The following FGF13 variants were observed in gnomAD, a reference collection of about 807,000 sequenced individuals.
FGF13 encodes fibroblast growth factor homologous factor 2.
A neutral mutation model predicts 19.5 loss-of-function variants in FGF13; 2 were observed. The ratio of observed to expected loss-of-function variants is 0.10; its 90% CI spans 0.04 to 0.32. FGF13 has a LOEUF of 0.32. FGF13 is among the 10% of genes least tolerant of loss of function. FGF13 has a pLI of 1.00. For missense variants in FGF13, 113 were observed against 192.7 expected, an observed-to-expected ratio of 0.59 and a Z score of 2.45; for synonymous variants, 72 against 76.9, an observed-to-expected ratio of 0.94 and a Z score of 0.33.
At chrX:138,995,150 G>A (rs1190130991) in intron 1 of FGF13, among the ~76,000 whole-genome samples, 1 of 111,202 alleles carries the variant, frequency 9.0e-6, no homozygotes, top group African/African-American at 3.3e-5. Context: ...CATGGAGAGA[G>A]AATCTGTGCA....
At chrX:138,711,866 C>T (rs1350518502), upstream of FGF13, among the ~76,000 whole-genome samples, 2 of 92,758 alleles carry the variant, frequency 2.2e-5, no homozygotes, top group African/African-American at 8.1e-5. Context: ...CCTGTAGGGG[C>T]TTCCGCACTG....
intron 1 of FGF13, among the ~76,000 whole-genome samples, chrX:139,116,710 C>T (rs1474696858): frequency 9.0e-6 from 1 of 110,900 alleles, no homozygotes; most frequent in Non-Finnish European, 1.9e-5. Flanking sequence ...CCATTTAGCA[C>T]TGTGTCATGT....
chrX:139,189,007 G>C (rs993316371), intron 1 of FGF13, among the ~76,000 whole-genome samples: 1 of 110,063 alleles, frequency 9.1e-6, no homozygotes, highest in African/African-American at 3.3e-5. Context: ...AAATGGTAAA[G>C]GGCAAAAATG....
chrX:139,126,451 ATC>A (rs2083717219), intron 1 of FGF13, among the ~76,000 whole-genome samples: 1 of 111,379 alleles, frequency 9.0e-6, no homozygotes, highest in African/African-American at 3.3e-5. Context: ...GGCTGGAAAT[ATC>A]TGTCTGAAAC....
chrX:138,928,472 T>C (rs2124254357), intron 1 of FGF13, among the ~76,000 whole-genome samples: 1 of 110,730 alleles, frequency 9.0e-6, no homozygotes. Context: ...TCTTTTCCAT[T>C]TCGGCCTTTG....
At chrX:138,899,871 G>A (rs775432896) in intron 1 of FGF13, among the ~76,000 whole-genome samples, 1 of 111,834 alleles carries the variant, frequency 8.9e-6, no homozygotes, top group South Asian at 3.8e-4. Context: ...CAACTAGCTA[G>A]TCCACCTCCC....
intron 3 of FGF13, among the ~76,000 whole-genome samples, chrX:138,672,206 T>C (rs1469172670): frequency 1.8e-5 from 2 of 111,165 alleles, no homozygotes; most frequent in Admixed American, 9.6e-5. Context: ...GAAGAATCCA[T>C]TGGAGAAATC....
At chrX:138,725,185 T>C (rs766376385) in intron 1 of FGF13, among the ~76,000 whole-genome samples, 2 of 111,762 alleles carry the variant, frequency 1.8e-5, no homozygotes, top group South Asian at 3.8e-4. Context: ...ACAGAGTTTC[T>C]ACTTAATTCG....
chrX:138,830,730 T>TGTGTGTGTGTGTG (rs1569406299), intron 3 of FGF13, among the ~76,000 whole-genome samples: 16 of 99,059 alleles, frequency 1.6e-4, no homozygotes, highest in Middle Eastern at 5.3e-3. Flanking sequence ...TGTGTGTGTG[T>TGTGTGTGTGTGTG]TTTAAGCTAT....
At position 138,631,771 on chromosome X, in the gene FGF13, A is replaced by G. The variant is rs2089118841; in HGVS notation, c.*1079T>C. On this transcript the variant is annotated 3_prime_UTR_variant, in exon 5 of 5. Transcript: ENST00000315930. ...CATGCAACTCTATGCCAAGAACCCA[A>G]CTTTCTTCCATGCAACAGATATGAA... 1 of 112,075 alleles carries G rather than the reference A, an allele frequency of 8.9e-6. No homozygotes were observed. The highest frequency in any genetic ancestry group is 3.2e-5 in the African/African-American group (1 of 30,787). The allele number at this position is 112,075 out of a possible 1,213,427, so 9.2% of individuals were successfully genotyped here.
intron 1 of FGF13, among the ~76,000 whole-genome samples, chrX:138,910,405 A>G (rs2091581362): frequency 9.0e-6 from 1 of 111,190 alleles, no homozygotes; most frequent in Admixed American, 9.6e-5. Context: ...CCAAGCAGAT[A>G]GGGCAAAACC....
At chrX:138,732,622 CT>C (rs1217330582) in intron 1 of FGF13, among the ~76,000 whole-genome samples, 1 of 111,057 alleles carries the variant, frequency 9.0e-6, no homozygotes, top group African/African-American at 3.3e-5. Context: ...CATGTGGAAC[CT>C]TTTTGGGGTG....
chrX:138,972,056 T>TTTGTGTGTGTG (rs1556316125), intron 1 of FGF13, among the ~76,000 whole-genome samples: 2 of 94,965 alleles, frequency 2.1e-5, no homozygotes, highest in Admixed American at 1.2e-4. Flanking sequence ...TAGTATTCTA[T>TTTGTGTGTGTG]TGTGTGTGTG....
intron 1 of FGF13, among the ~76,000 whole-genome samples, chrX:138,971,964 G>A (rs1316523722): frequency 2.7e-5 from 3 of 110,431 alleles, no homozygotes; most frequent in Admixed American, 9.7e-5. Flanking sequence ...GCCCTTCTGC[G>A]CCTGGCTTAT....
intron 1 of FGF13, among the ~76,000 whole-genome samples, chrX:138,952,064 T>A (rs969515809): frequency 1.8e-5 from 2 of 111,366 alleles, no homozygotes; most frequent in African/African-American, 6.5e-5. Flanking sequence ...CTTCACAGAA[T>A]TGGAAAAAAC....
At position 138,979,049 on chromosome X, in the gene FGF13, T is replaced by TA. The variant is rs775655176; in HGVS notation, c.-112-114400dup. Among the ~76,000 whole-genome samples the TA allele has an allele frequency of 1.1e-3, 128 of 112,395 alleles. 1 individual carries two copies. Among genetic ancestry groups the TA allele is most frequent in the Middle Eastern group, 4.6e-3 (1 of 218 alleles). On this transcript the variant is annotated intron_variant, in intron 1 of 2. Transcript: ENST00000421460. ...ATGAAGACTTGTTAAGTAGTCACCT[T>TA]ACCTGCTTCAACTGCAAGTAATGTA...
chrX:139,119,761 T>C (rs914570680), intron 1 of FGF13, among the ~76,000 whole-genome samples: 1 of 112,612 alleles, frequency 8.9e-6, no homozygotes, highest in Non-Finnish European at 1.9e-5. Flanking sequence ...AGTCCTTCCA[T>C]AAAGCAGGCA....
At chrX:139,115,189 T>C (rs1391597859) in intron 1 of FGF13, among the ~76,000 whole-genome samples, 1 of 111,613 alleles carries the variant, frequency 9.0e-6, no homozygotes, top group Non-Finnish European at 1.9e-5. Flanking sequence ...CCCATCTCAG[T>C]AAATGTTACC....
chrX:138,966,289 G>C (rs1197264910), intron 1 of FGF13, among the ~76,000 whole-genome samples: 5 of 112,218 alleles, frequency 4.5e-5, no homozygotes, highest in Admixed American at 9.4e-5. Flanking sequence ...TGTGCACGTG[G>C]AAAAGCCACA....
Sources: allele counts gnomAD v4.1 joint callset (sites outside exome capture counted in the v4.1 genomes callset), GRCh38; gene constraint gnomAD v4.1.1; transcripts MANE v1.5; gene names NCBI Gene and HGNC (gene_info 2026-07-23, HGNC 2026-07-21).